NUP210: variants seen among roughly 807,000 people sequenced by gnomAD.
NUP210 encodes the protein nuclear pore membrane glycoprotein 210.
A neutral mutation model predicts 196.0 loss-of-function variants in NUP210; 151 were observed. The observed-to-expected ratio is 0.77, with a 90% CI of 0.67 to 0.88. The LOEUF is 0.88. NUP210 is among the 40% of genes least tolerant of loss of function. The pLI, the probability that NUP210 is intolerant of heterozygous loss-of-function variation, is 0.00. For missense variants in NUP210, 2,314 were observed against 2,493.7 expected, an observed-to-expected ratio of 0.93 and a Z score of 1.53; for synonymous variants, 1,070 against 1,052.7, an observed-to-expected ratio of 1.02 and a Z score of -0.32.
intron 10 of NUP210, among the ~76,000 whole-genome samples, chr3:13,375,886 G>A (rs781049355): frequency 2.8e-4 from 32 of 115,616 alleles, no homozygotes; most frequent in Admixed American, 1.2e-3. Context: ...TGGATGTGGT[G>A]TCCCCCCCAA....
At chr3:13,378,859 CAT>C in intron 8 of NUP210, 51 bp downstream of exon 8, 1 of 1,308,948 alleles carries the variant, frequency 7.6e-7, no homozygotes. Flanking sequence ...TTTTTAAACT[CAT>C]ATAGTCACAA....
In NUP210 at chr3:13,325,858, G is replaced by A; in HGVS notation, c.4581C>T (p.Ala1527=). 6.2e-7 allele frequency: 1 copy of A among 1,614,000 alleles called. No homozygotes were observed. The highest frequency in any genetic ancestry group is 1.3e-5 in the African/African-American group (1 of 75,062). Residue 1527 remains alanine, a synonymous_variant, in exon 33 of 40, where the codon GCC becomes GCT. Coordinates refer to ENST00000254508, the MANE Select transcript of NUP210 (RefSeq NM_024923.4). ...AAACCGTCACGGATCCCACGGCCCG[G>A]GCCACAGCCACACCCGTCTTGGGGT... ...HIDPKTGVAV[A]RAVGSVTVYY... is the part of the protein sequence containing the mutation.
chr3:13,328,709 G>C, intron 31 of NUP210, 62 bp downstream of exon 31: 2 of 1,459,150 alleles, frequency 1.4e-6, no homozygotes, highest in Non-Finnish European at 1.9e-6. Flanking sequence ...GTTATCCCCA[G>C]TTGTCTCTAC....
Position 13,388,392 on chromosome 3 carries a change from C to T in NUP210, c.595G>A (p.Ala199Thr). The T allele has an allele frequency of 6.2e-7, 1 of 1,612,862 alleles. No individual in the cohort carries two copies. Among genetic ancestry groups the T allele is most frequent in the South Asian group, 1.1e-5 (1 of 90,908 alleles). The change falls in exon 5 of 40, where the codon GCT becomes ACT. Residue 199 changes from alanine (A) to threonine (T), a missense_variant. By Grantham distance (58) the Ala-to-Thr change is moderately conservative (BLOSUM62 0). Transcript: ENST00000254508. The part of the protein sequence containing the change: ...PPSYISEMEK[A>T]AKQGDTILVS... ...AGGATGGTGTCCCCTTGCTTGGCAG[C>T]CTTCTCCATCTCTGAGATGTAAGAA...
intron 3 of NUP210, among the ~76,000 whole-genome samples, chr3:13,396,413 C>T (rs548497774): frequency 6.6e-6 from 1 of 151,952 alleles, no homozygotes; most frequent in Non-Finnish European, 1.5e-5. Flanking sequence ...GCATCTTTTG[C>T]CTGACTTTTA....
intron 3 of NUP210, among the ~76,000 whole-genome samples, chr3:13,392,849 C>T (rs972816420): frequency 2.0e-5 from 3 of 151,848 alleles, no homozygotes; most frequent in African/African-American, 7.3e-5. Context: ...CCAATTCCAC[C>T]TTCTCGGGGA....
chr3:13,360,637 T>C, intron 14 of NUP210, 146 bp from the exon 15 acceptor site: 2 of 620,800 alleles, frequency 3.2e-6, no homozygotes, highest in East Asian at 2.7e-5. Flanking sequence ...ATTCTCGTCA[T>C]CTGCAGCACT....
At chr3:13,398,070 C>T (rs1699723008) in intron 2 of NUP210, among the ~76,000 whole-genome samples, 1 of 152,116 alleles carries the variant, frequency 6.6e-6, no homozygotes, top group South Asian at 2.1e-4. Context: ...CTCCAGGTAC[C>T]ATATAAAAAT....
chr3:13,376,983 C>T (rs1212858888), intron 9 of NUP210, among the ~76,000 whole-genome samples: 2 of 152,206 alleles, frequency 1.3e-5, no homozygotes, highest in Non-Finnish European at 2.9e-5. Flanking sequence ...ATCTGTCTGA[C>T]ACCCCCTTCC....
At chr3:13,339,119 C>A (rs1697351910) in intron 25 of NUP210, among the ~76,000 whole-genome samples, 1 of 152,184 alleles carries the variant, frequency 6.6e-6, no homozygotes, top group Admixed American at 6.5e-5. Context: ...TCATAATTGA[C>A]ACACACTGGG....
At chr3:13,383,061 T>C (rs1459659968) in intron 6 of NUP210, among the ~76,000 whole-genome samples, 1 of 152,084 alleles carries the variant, frequency 6.6e-6, no homozygotes, top group African/African-American at 2.4e-5. Flanking sequence ...AGAGGATCAC[T>C]TGAGCCTGGG....
At chr3:13,416,938 G>A (rs62232833) in intron 1 of NUP210, among the ~76,000 whole-genome samples, 2,645 of 152,312 alleles carry the variant, frequency 0.017, 31 homozygotes, top group South Asian at 0.047. Flanking sequence ...TTTCTTTTTC[G>A]TCTGTTCTCC....
chr3:13,330,418 A>AT (rs780116148), intron 30 of NUP210, 42 bp downstream of exon 30: 3 of 1,587,656 alleles, frequency 1.9e-6, no homozygotes, highest in Admixed American at 3.4e-5. Context: ...CCTCAGTGCT[A>AT]TTGCTTTCAT....
At chr3:13,368,454 C>A (rs181389592) in intron 13 of NUP210, among the ~76,000 whole-genome samples, 22 of 152,294 alleles carry the variant, frequency 1.4e-4, no homozygotes, top group Admixed American at 1.0e-3. Flanking sequence ...ACCATAACAC[C>A]TTTTGTGTGT....
At chr3:13,400,155 C>T (rs1256266010) in intron 1 of NUP210, among the ~76,000 whole-genome samples, 1 of 152,194 alleles carries the variant, frequency 6.6e-6, no homozygotes, top group African/African-American at 2.4e-5. Flanking sequence ...AACAGATGGC[C>T]ACCGTCCAAG....
chr3:13,332,695 C>A (rs1023881408), intron 28 of NUP210, among the ~76,000 whole-genome samples: 1 of 151,640 alleles, frequency 6.6e-6, no homozygotes. Flanking sequence ...GGCTTGCACT[C>A]CAGTCTGAGC....
chr3:13,329,063 C>T, intron 30 of NUP210, 117 bp from the exon 31 acceptor site: 1 of 818,616 alleles, frequency 1.2e-6, no homozygotes, highest in South Asian at 1.7e-5. Flanking sequence ...AGGAACAATG[C>T]AGGGCTGGAC....
intron 26 of NUP210, 109 bp from the exon 27 acceptor site, chr3:13,337,027 C>G: frequency 7.4e-7 from 1 of 1,351,222 alleles, no homozygotes; most frequent in Non-Finnish European, 1.0e-6. Context: ...AATTCCTCCC[C>G]AACTAGAGAA....
chr3:13,351,803 T>C (rs1697982676), intron 20 of NUP210, 76 bp downstream of exon 20: 1 of 972,058 alleles, frequency 1.0e-6, no homozygotes, highest in Non-Finnish European at 1.6e-6. Flanking sequence ...GCTTTCAAAA[T>C]GATCAATCAA....
Sources: gnomAD v4.1 joint callset for allele counts (sites outside exome capture counted in the v4.1 genomes callset) on GRCh38, gnomAD v4.1.1 for gene constraint, MANE v1.5 for transcripts, NCBI Gene and HGNC (gene_info 2026-07-23, HGNC 2026-07-21) for gene names.